Variants in ADGRV1 observed in about 807,000 individuals in gnomAD.
The protein encoded by ADGRV1 is G-protein coupled receptor 98.
Under a neutral mutation model 596.2 loss-of-function variants are expected in ADGRV1, and 359 were observed. That is an observed-to-expected ratio of 0.60 (90% CI 0.55 to 0.66). ADGRV1 has a LOEUF of 0.66. Among genes scored for constraint, ADGRV1 ranks in the 30% least tolerant of loss-of-function variants. The pLI is 0.00. For synonymous variants in ADGRV1, 2,681 were observed against 2,679.2 expected (o/e 1.00, Z -0.02); for missense variants, 7,274 against 7,575.6 (o/e 0.96, Z 1.48).
intron 83 of ADGRV1, among the ~76,000 whole-genome samples, chr5:90,877,585 G>T (rs532703325): frequency 0.018 from 2,516 of 140,120 alleles, 28 homozygotes; most frequent in Non-Finnish European, 0.025. Flanking sequence ...TCAGTGTGTG[G>T]TTTTTTTTTT....
intron 85 of ADGRV1, among the ~76,000 whole-genome samples, chr5:91,051,415 C>T (rs1562145108): frequency 1.3e-5 from 2 of 151,776 alleles, no homozygotes; most frequent in Non-Finnish European, 2.9e-5. Flanking sequence ...ATTAAATACG[C>T]TTGTGTTAGA....
intron 28 of ADGRV1, 49 bp from the exon 29 acceptor site, chr5:90,685,731 T>A: frequency 6.9e-7 from 1 of 1,452,058 alleles, no homozygotes. Flanking sequence ...GGCCAGTTCT[T>A]AGAATTTTGA....
chr5:90,918,952 AACCCTGCCCT>A (rs1773625706), intron 83 of ADGRV1, among the ~76,000 whole-genome samples: 1 of 152,160 alleles, frequency 6.6e-6, no homozygotes, highest in African/African-American at 2.4e-5. Flanking sequence ...CATAGAACAT[AACCCTGCCCT>A]ACCCTGCCTG....
chr5:90,730,014 C>T lies in ADGRV1; in HGVS notation c.10549+250C>T, dbSNP rs150225521. On this transcript the variant is annotated intron_variant, in intron 50 of 89. Transcript: ENST00000405460. ...CCCAGTAGCTGGGACTACAGGCGTC[C>T]GCCACCATGTCTGGCTAATTTTTTT... is the stretch of plus-strand genomic sequence containing the variant. Among the ~76,000 whole-genome samples, 512 of 152,172 alleles carry T rather than the reference C, an allele frequency of 3.4e-3. No individual in the cohort carries two copies. Among genetic ancestry groups the T allele is most frequent in the African/African-American group, 0.011 (466 of 41,510 alleles).
intron 1 of ADGRV1, among the ~76,000 whole-genome samples, chr5:90,596,814 C>CGAGGGCGAGGGA (rs377243990): frequency 2.0e-5 from 3 of 150,538 alleles, no homozygotes; most frequent in South Asian, 2.1e-4. Context: ...GGGGAGAGGG[C>CGAGGGCGAGGGA]GAGGGCGAGG....
At chr5:91,087,230 CTTT>C (rs1789955829) in intron 86 of ADGRV1, among the ~76,000 whole-genome samples, 1 of 152,064 alleles carries the variant, frequency 6.6e-6, no homozygotes. Flanking sequence ...TATCTCCTAC[CTTT>C]TCTTATAGGG....
At chr5:90,727,257 T>G (rs1751920411) in intron 48 of ADGRV1, among the ~76,000 whole-genome samples, 1 of 152,160 alleles carries the variant, frequency 6.6e-6, no homozygotes, top group Non-Finnish European at 1.5e-5. Flanking sequence ...CTGGCTGATT[T>G]TTTGTATTTT....
intron 83 of ADGRV1, among the ~76,000 whole-genome samples, chr5:90,879,633 GTTTAA>G (rs1480178906): frequency 6.6e-6 from 1 of 151,662 alleles, no homozygotes; most frequent in Non-Finnish European, 1.5e-5. Context: ...TAAGGCGTAT[GTTTAA>G]TTTAAAATTT....
chr5:91,005,476 A>G (rs1782194575), intron 85 of ADGRV1, among the ~76,000 whole-genome samples: 1 of 152,114 alleles, frequency 6.6e-6, no homozygotes, highest in Non-Finnish European at 1.5e-5. Flanking sequence ...AGCTGGGACT[A>G]CAGGCACACG....
At chr5:90,820,324 T>C (rs1581225697) in intron 75 of ADGRV1, among the ~76,000 whole-genome samples, 3 of 145,108 alleles carry the variant, frequency 2.1e-5, no homozygotes, top group East Asian at 4.1e-4. Context: ...GCACGTGAGA[T>C]GGGTTTCCTG....
intron 52 of ADGRV1, among the ~76,000 whole-genome samples, chr5:90,748,457 A>G (rs1452945699): frequency 1.6e-5 from 2 of 126,680 alleles, no homozygotes; most frequent in African/African-American, 5.1e-5. Flanking sequence ...AATAGTTTAC[A>G]TTTTTCATAT....
At chr5:91,065,315 A>G (rs568470415) in intron 85 of ADGRV1, among the ~76,000 whole-genome samples, 16 of 152,320 alleles carry the variant, frequency 1.1e-4, no homozygotes, top group African/African-American at 3.8e-4. Context: ...GTGAATCATG[A>G]CTATTATCCT....
chr5:90,626,604 A>G (rs1351268181), intron 6 of ADGRV1: 1 of 152,224 alleles, frequency 6.6e-6, no homozygotes, highest in East Asian at 1.9e-4. Context: ...AAGGAAAAAA[A>G]AAAGAAAGAA....
intron 85 of ADGRV1, among the ~76,000 whole-genome samples, chr5:91,009,256 A>G (rs1188295425): frequency 6.6e-6 from 1 of 152,176 alleles, no homozygotes; most frequent in Admixed American, 6.6e-5. Context: ...ATGATCTTTC[A>G]TCAAGGCAGA....
At chr5:90,608,502 T>A (rs933034757) in intron 1 of ADGRV1, among the ~76,000 whole-genome samples, 1 of 151,764 alleles carries the variant, frequency 6.6e-6, no homozygotes, top group Non-Finnish European at 1.5e-5. Flanking sequence ...ACACTAGGAG[T>A]TTGAAAACAA....
rs1294517538 is a variant in ADGRV1, at chr5:90,657,918, G to A, written c.4392G>A (p.Leu1464=). 1 of 1,607,154 alleles carries A rather than the reference G, an allele frequency of 6.2e-7. No individual in the cohort carries two copies. Among genetic ancestry groups the A allele is most frequent in the East Asian group, 2.2e-5 (1 of 44,764 alleles). ...CTCTAATTTCAGGTCCTGGGATACTGAGAATTGGAGCAGGGATAAATGGCA... is the reference window on the plus strand; with the variant it reads ...CTCTAATTTCAGGTCCTGGGATACTAAGAATTGGAGCAGGGATAAATGGCA... ...GEAITDGPGI[L]RIGAGINGND... Residue 1464 remains leucine, a synonymous_variant, in exon 21 of 90, where the codon CTG becomes CTA. Transcript: ENST00000405460.
At chr5:91,019,708 T>C (rs1367331731) in intron 85 of ADGRV1, among the ~76,000 whole-genome samples, 1 of 152,016 alleles carries the variant, frequency 6.6e-6, no homozygotes, top group Non-Finnish European at 1.5e-5. Flanking sequence ...GTGATAGATG[T>C]CATTCAAACA....
intron 1 of ADGRV1, among the ~76,000 whole-genome samples, chr5:90,570,197 T>A (rs1464982023): frequency 6.6e-6 from 1 of 152,208 alleles, no homozygotes. Context: ...AATTTTGGAA[T>A]GACAATTTTG....
intron 83 of ADGRV1, among the ~76,000 whole-genome samples, chr5:90,964,389 C>T (rs1778276298): frequency 6.6e-6 from 1 of 152,012 alleles, no homozygotes; most frequent in Admixed American, 6.6e-5. Flanking sequence ...TAGTGGTACC[C>T]TCTGAAAATA....
Sources: gnomAD v4.1 joint callset for allele counts (sites outside exome capture counted in the v4.1 genomes callset) on GRCh38, gnomAD v4.1.1 for gene constraint, MANE v1.5 for transcripts, NCBI Gene and HGNC (gene_info 2026-07-23, HGNC 2026-07-21) for gene names.